The following ATF6B variants were observed in gnomAD, a reference collection of about 807,000 sequenced individuals.
The protein encoded by ATF6B is activating transcription factor 6 beta.
In ATF6B, 50 loss-of-function variants were observed where a neutral mutation model predicts 83.5. That is an observed-to-expected ratio of 0.60 (90% CI 0.48 to 0.76). The LOEUF (loss-of-function observed/expected upper bound fraction) is 0.76, where lower values mean the gene tolerates loss of function less well. Among genes scored for constraint, ATF6B ranks in the 30% least tolerant of loss-of-function variants. The pLI is 0.00. For synonymous variants in ATF6B, 344 were observed against 362.8 expected, an observed-to-expected ratio of 0.95 and a Z score of 0.59; for missense variants, 790 against 893.8, an observed-to-expected ratio of 0.88 and a Z score of 1.48.
rs1422268601 is a variant in ATF6B at position 32,125,018 on chromosome 6, C to T, written c.478+1099G>A. Among the ~76,000 whole-genome samples the T allele has an allele frequency of 2.0e-5, 3 of 152,004 alleles. No individual in the cohort carries two copies. Among genetic ancestry groups the T allele is most frequent in the East Asian group, 3.9e-4 (2 of 5,176 alleles). ...TAATTTTTTGTATTTTTAGTAGACA[C>T]GGGGTTTCACCATCTTAGCCAGGAT... On this transcript the variant is annotated intron_variant, in intron 5 of 17. Transcript: ENST00000375203. The surrounding 1 kb of genome is among the most constrained non-coding windows in gnomAD (Gnocchi z 4.1).
At chr6:32,127,357 G>A (rs1378976930) in intron 3 of ATF6B, 85 bp downstream of exon 3, 12 of 1,472,958 alleles carry the variant, frequency 8.1e-6, no homozygotes, top group South Asian at 5.0e-5. Context: ...GAAGCGTGAG[G>A]ATATAGGAAG....
chr6:32,125,936 G>A lies in ATF6B; in HGVS notation c.478+181C>T. Reference sequence around the variant, plus strand: ...TCTCCTCAGCACTGCCCTTGCTGTGGTTCCCTGAAATGTTTCCTCTCCTTC... The same window carrying A: ...TCTCCTCAGCACTGCCCTTGCTGTGATTCCCTGAAATGTTTCCTCTCCTTC... On this transcript the variant is annotated intron_variant, in intron 5 of 17. Coordinates refer to ENST00000375203, the MANE Select transcript of ATF6B (RefSeq NM_004381.5). This position sits in a 1 kb window ranked among gnomAD's most constrained non-coding sequence, Gnocchi z 4.1. 2.5e-6 allele frequency: 2 copies of A among 808,204 alleles called. No individual in the cohort carries two copies. The highest frequency in any genetic ancestry group is 3.8e-6 in the Non-Finnish European group (2 of 525,632). 50.1% of individuals were successfully genotyped at this position (808,204 alleles called of 1,614,324 possible). A position where few individuals can be genotyped will look rare whatever the true frequency, so the allele number is the denominator to read the frequency against.
chr6:32,115,915 C>T lies in ATF6B; in HGVS notation c.1936G>A (p.Glu646Lys). Residue 646 changes from glutamate (E) to lysine (K), a missense_variant, in exon 18 of 18, where the codon GAG becomes AAG. Physicochemically the swap from Glu to Lys is moderately conservative, Grantham distance 56 (BLOSUM62 1). Around this residue, in one of 3 missense-constraint regions of ATF6B, gnomAD observed 530 missense variants for 632.6 expected, o/e 0.84. Transcript: ENST00000375203. ...PGDYEEMMQI[E>K]CEVMDTRVIH... ...ACCCTGGTGTCCATGACCTCACACT[C>T]GATCTGCATCATCTCCTCATAGTCC... The T allele has an allele frequency of 1.9e-6, 3 of 1,614,082 alleles. No individual in the cohort carries two copies. The highest frequency in any genetic ancestry group is 2.2e-5 in the East Asian group (1 of 44,882).
Position 32,127,658 on chromosome 6 carries a change from G to A in ATF6B, c.171+13C>T. On this transcript the variant is annotated intron_variant, in intron 2 of 17. Transcript: ENST00000375203. Reference sequence around the variant, plus strand: ...ACCCACCAAGGGTTAGAGAAAGGCTGGGGACACAATACCGGGACATCCTGC... The same window carrying A: ...ACCCACCAAGGGTTAGAGAAAGGCTAGGGACACAATACCGGGACATCCTGC... The A allele has an allele frequency of 1.2e-6, 2 of 1,614,138 alleles. No individual in the cohort carries two copies. The highest frequency in any genetic ancestry group is 2.2e-5 in the East Asian group (1 of 44,882).
intron 4 of ATF6B, among the ~76,000 whole-genome samples, chr6:32,126,639 A>G (rs1227506310): frequency 6.6e-6 from 1 of 152,114 alleles, no homozygotes. Context: ...TGGGAGGATC[A>G]CTTGAGCCCA....
At chr6:32,123,814 G>C (rs1341959443) in intron 5 of ATF6B, among the ~76,000 whole-genome samples, 2 of 152,148 alleles carry the variant, frequency 1.3e-5, no homozygotes, top group Non-Finnish European at 2.9e-5. Context: ...CTGAGATCCA[G>C]GGAGAATCTG....
chr6:32,127,610 T>C, intron 2 of ATF6B, 61 bp downstream of exon 2: 1 of 1,612,016 alleles, frequency 6.2e-7, no homozygotes, highest in South Asian at 1.1e-5. Flanking sequence ...TGTGAATGGG[T>C]CCAGGTTCTG....
chr6:32,116,633 T>C lies in ATF6B; in HGVS notation c.1798-69A>G. Reference sequence around the variant, plus strand: ...GCCAACAAGCTCCCCAGCCCTACTCTACATCCCCCCACTGAAGACAGACTG... The same window carrying C: ...GCCAACAAGCTCCCCAGCCCTACTCCACATCCCCCCACTGAAGACAGACTG... On this transcript the variant is annotated intron_variant, in intron 16 of 17. Transcript: ENST00000375203. This position sits in a 1 kb window ranked among gnomAD's most constrained non-coding sequence, Gnocchi z 5.1. The C allele has an allele frequency of 6.2e-7, 1 of 1,604,276 alleles. No homozygotes were observed. The highest frequency in any genetic ancestry group is 8.5e-7 in the Non-Finnish European group (1 of 1,171,632).
rs375761185 is a variant in ATF6B, at chr6:32,117,970, T to C, written c.1313A>G (p.His438Arg). 3 of 1,613,714 alleles carry C rather than the reference T, an allele frequency of 1.9e-6. No homozygotes were observed. In the African/African-American group the frequency reaches 4.0e-5, roughly 22 times the overall value. ...MNKGEPQPRR[H>R]LLGFSEQEPV... ...CTCTTGCTCTGAGAACCCCAGCAAGTGTCTCCGGGGTTGAGGCTCCCCCTT... is the reference window on the plus strand; with the variant it reads ...CTCTTGCTCTGAGAACCCCAGCAAGCGTCTCCGGGGTTGAGGCTCCCCCTT... The change falls in exon 12 of 18, where the codon CAC becomes CGC. Residue 438 changes from histidine (H) to arginine (R), a missense_variant. Transcript: ENST00000375203. The surrounding 1 kb of genome is among the most constrained non-coding windows in gnomAD (Gnocchi z 5.0).
At chr6:32,120,149 G>A in intron 8 of ATF6B, 192 bp from the exon 9 acceptor site, 1 of 562,854 alleles carries the variant, frequency 1.8e-6, no homozygotes, top group Non-Finnish European at 2.8e-6. Context: ...CCAGGCTGGA[G>A]TGCAGTGGTG....
chr6:32,121,497 G>A (rs2284180), intron 5 of ATF6B, 149 bp from the exon 6 acceptor site: 18,084 of 701,802 alleles, frequency 0.026, 503 homozygotes, highest in African/African-American at 0.085. Context: ...GAGGTCAGGA[G>A]TTCAAGACCA....
intron 2 of ATF6B, 67 bp from the exon 3 acceptor site, chr6:32,127,587 A>G: frequency 6.2e-7 from 1 of 1,609,770 alleles, no homozygotes; most frequent in Non-Finnish European, 8.5e-7. Context: ...GTGACTCCAG[A>G]TGAGTTATGG....
Position 32,127,683 on chromosome 6 carries a change from C to T in ATF6B, c.159G>A (p.Glu53=). ...GGGGACACAATACCGGGACATCCTG[C>T]TCCGGGCAACGGAAGAGCTGCGTCT... The part of the protein sequence containing the change: ...EEQTQLFRCP[E]QDVPFDGSSL... The change falls in exon 2 of 18, where the codon GAG becomes GAA. Residue 53 remains glutamate (E), a synonymous_variant. Coordinates refer to ENST00000375203, the MANE Select transcript of ATF6B (RefSeq NM_004381.5). 1 of 1,614,226 alleles carries T rather than the reference C, an allele frequency of 6.2e-7. No individual in the cohort carries two copies. Among genetic ancestry groups the T allele is most frequent in the Non-Finnish European group, 8.5e-7 (1 of 1,180,040 alleles).
chr6:32,120,693 C>T (rs567987537), intron 8 of ATF6B, 78 bp downstream of exon 8: 41 of 1,518,446 alleles, frequency 2.7e-5, no homozygotes, highest in South Asian at 1.5e-4. Flanking sequence ...TCAGGTGATT[C>T]GCCCGCCTCA....
Position 32,126,144 on chromosome 6 carries a change from C to G in ATF6B, c.451G>C (p.Val151Leu). The G allele has an allele frequency of 6.2e-7, 1 of 1,614,132 alleles. No individual in the cohort carries two copies. The highest frequency in any genetic ancestry group is 8.5e-7 in the Non-Finnish European group (1 of 1,180,032). The part of the protein sequence containing the change: ...TSSFETVQIN[V>L]IPTSDDSSDV... ...GAGGAATCATCAGAGGTGGGGATAACGTTGATCTGGACGGTTTCAAATGAG... is the reference window on the plus strand; with the variant it reads ...GAGGAATCATCAGAGGTGGGGATAAGGTTGATCTGGACGGTTTCAAATGAG... The change falls in exon 5 of 18, where the codon GTT (valine) becomes CTT (leucine). Residue 151 changes from valine to leucine, a missense_variant. Transcript: ENST00000375203.
Position 32,126,042 on chromosome 6 carries a change from TACACACATACACAC to T in ATF6B, c.478+61_478+74del, listed in dbSNP as rs1781959118. ...CTGCTGCCTGCACTTCCCCTCCATCTACACACATACACACACACACATAACACATTCTCCCGTAG... is the reference window on the plus strand; with the variant it reads ...CTGCTGCCTGCACTTCCCCTCCATCTACACACATAACACATTCTCCCGTAG... On this transcript the variant is annotated intron_variant, in intron 5 of 17. Transcript: ENST00000375203. The T allele has an allele frequency of 2.6e-6, 4 of 1,568,384 alleles. No individual in the cohort carries two copies. The Admixed American group carries it at 6.9e-5, about 27-fold the overall frequency.
intron 1 of ATF6B, 156 bp from the exon 2 acceptor site, chr6:32,127,906 C>T: frequency 3.0e-6 from 3 of 1,012,422 alleles, no homozygotes; most frequent in East Asian, 5.2e-5. Context: ...GCCCCTCCTT[C>T]CCCGACCCCG....
Position 32,117,880 on chromosome 6 carries a change from G to A in ATF6B, c.1403C>T (p.Pro468Leu). Residue 468 changes from proline to leucine, a missense_variant, in exon 12 of 18, where the codon CCC (proline) becomes CTC (leucine). Physicochemically the swap from Pro to Leu is moderately conservative, Grantham distance 98 (BLOSUM62 -3). Coordinates refer to ENST00000375203, the MANE Select transcript of ATF6B (RefSeq NM_004381.5). The surrounding 1 kb of genome is among the most constrained non-coding windows in gnomAD (Gnocchi z 5.0). ...SQGPKEPQPS[P>L]TDQPSFSNLT... is the part of the protein sequence containing the mutation. Reference sequence around the variant, plus strand: ...TCACCTGAAACTGGGCTGGTCTGTGGGGCTGGGCTGGGGCTCCTTAGGGCC... The same window carrying A: ...TCACCTGAAACTGGGCTGGTCTGTGAGGCTGGGCTGGGGCTCCTTAGGGCC... 2 of 1,571,606 alleles carry A rather than the reference G, an allele frequency of 1.3e-6. No homozygotes were observed. Among genetic ancestry groups the A allele is most frequent in the African/African-American group, 2.7e-5 (2 of 73,570 alleles).
At position 32,117,077 on chromosome 6, in the gene ATF6B, CT is replaced by C. The variant is rs1781559790; in HGVS notation, c.1644del (p.Val549LeufsTer72). The C allele has an allele frequency of 6.2e-7, 1 of 1,614,000 alleles. No homozygotes were observed. Among genetic ancestry groups the C allele is most frequent in the South Asian group, 1.1e-5 (1 of 91,086 alleles). On this transcript the variant is annotated frameshift_variant, in exon 15 of 18. Coordinates refer to ENST00000375203, the MANE Select transcript of ATF6B (RefSeq NM_004381.5). LOFTEE classifies it high-confidence loss of function. This position sits in a 1 kb window ranked among gnomAD's most constrained non-coding sequence, Gnocchi z 5.0. ...QKSQPRKKSP[P>X]VKAVPIQPPG... ...GGGGGTTGGATGGGGACTGCCTTAA[CT>C]GGAGGTGACTTCTTCCGTGGCTGAG...
Sources: allele counts gnomAD v4.1 joint callset (sites outside exome capture counted in the v4.1 genomes callset), GRCh38; gene constraint gnomAD v4.1.1; regional missense constraint gnomAD v4.1.1; non-coding constraint Gnocchi (gnomAD v3.1); transcripts MANE v1.5; gene names NCBI Gene and HGNC (gene_info 2026-07-23, HGNC 2026-07-21).